TMEM132D: variants seen among roughly 807,000 people sequenced by gnomAD.
The protein encoded by TMEM132D is transmembrane protein 132D.
Under a neutral mutation model 62.3 loss-of-function variants are expected in TMEM132D, and 21 were observed. That is an observed-to-expected ratio of 0.34 (90% CI 0.24 to 0.49). The LOEUF (loss-of-function observed/expected upper bound fraction) is 0.49. Ranked by LOEUF, TMEM132D falls within the 20% of genes least tolerant of loss-of-function variation. The pLI is 0.99. For synonymous variants in TMEM132D, 621 were observed against 575.6 expected, an observed-to-expected ratio of 1.08 and a Z score of -1.13; for missense variants, 1,346 against 1,402.8, an observed-to-expected ratio of 0.96 and a Z score of 0.65.
intron 4 of TMEM132D, among the ~76,000 whole-genome samples, chr12:129,284,268 A>T (rs1020269422): frequency 6.6e-6 from 1 of 152,264 alleles, no homozygotes; most frequent in Non-Finnish European, 1.5e-5. Context: ...CTTCAGGGAC[A>T]TTTCGGTCTA....
chr12:129,125,465 T>C (rs1028076311), intron 5 of TMEM132D, among the ~76,000 whole-genome samples: 1 of 151,566 alleles, frequency 6.6e-6, no homozygotes, highest in Non-Finnish European at 1.5e-5. Flanking sequence ...AATAAAAATA[T>C]GTTTAGGTGA....
At chr12:129,251,357 C>CAAAAAA (rs59666716) in intron 4 of TMEM132D, among the ~76,000 whole-genome samples, 1 of 79,782 alleles carries the variant, frequency 1.3e-5, no homozygotes, top group African/African-American at 5.0e-5. Flanking sequence ...GACACTGTCT[C>CAAAAAA]AAAAAAAAAA....
intron 3 of TMEM132D, among the ~76,000 whole-genome samples, chr12:129,442,939 CA>C (rs765043380): frequency 5.5e-4 from 83 of 152,102 alleles, no homozygotes; most frequent in Middle Eastern, 3.2e-3. Flanking sequence ...AAATTTCCCC[CA>C]GCTGAAGACA....
chr12:129,880,452 G>A (rs2137385113), intron 1 of TMEM132D, among the ~76,000 whole-genome samples: 1 of 152,246 alleles, frequency 6.6e-6, no homozygotes, highest in South Asian at 2.1e-4. Context: ...TTAAAATGTA[G>A]GGAGATATAA....
intron 4 of TMEM132D, among the ~76,000 whole-genome samples, chr12:129,260,295 G>T (rs978709456): frequency 2.0e-5 from 3 of 152,138 alleles, no homozygotes; most frequent in Non-Finnish European, 2.9e-5. Context: ...TGAGAGGTGG[G>T]CTGAAATGAA....
chr12:129,130,647 C>T (rs965277948), intron 5 of TMEM132D, among the ~76,000 whole-genome samples: 7 of 152,062 alleles, frequency 4.6e-5, no homozygotes, highest in African/African-American at 1.7e-4. Context: ...CAGAGCATAG[C>T]GTCAGGCAGT....
intron 3 of TMEM132D, among the ~76,000 whole-genome samples, chr12:129,401,228 G>A (rs950306795): frequency 4.6e-5 from 7 of 152,180 alleles, no homozygotes; most frequent in African/African-American, 1.7e-4. Context: ...TTACATAAAC[G>A]CAACAGTTAC....
chr12:129,438,592 G>A (rs928177550), intron 3 of TMEM132D, among the ~76,000 whole-genome samples: 4 of 152,084 alleles, frequency 2.6e-5, no homozygotes, highest in African/African-American at 4.8e-5. Context: ...TTTAGAGGTC[G>A]GGATACTTCT....
At chr12:129,635,707 T>C (rs1022671268) in intron 2 of TMEM132D, among the ~76,000 whole-genome samples, 1 of 152,128 alleles carries the variant, frequency 6.6e-6, no homozygotes, top group Non-Finnish European at 1.5e-5. Context: ...CTTGGAGAAA[T>C]AGTATTGAGG....
chr12:129,090,868 C>T (rs1874885891), intron 5 of TMEM132D, among the ~76,000 whole-genome samples: 1 of 152,134 alleles, frequency 6.6e-6, no homozygotes, highest in South Asian at 2.1e-4. Flanking sequence ...TCCTTCCCAC[C>T]CCACAGTGTC....
intron 3 of TMEM132D, among the ~76,000 whole-genome samples, chr12:129,513,764 C>T (rs998928257): frequency 6.0e-5 from 9 of 150,116 alleles, no homozygotes; most frequent in Non-Finnish European, 1.2e-4. Context: ...GGATTACAGG[C>T]GTGAGCCACC....
rs535443726 is a variant in TMEM132D, at chr12:129,487,410, A to G, written c.1115+43649T>C. 3.3e-5 allele frequency among the ~76,000 whole-genome samples: 5 copies of G among 152,340 alleles called. No homozygotes were observed. In the East Asian group the frequency reaches 7.7e-4, roughly 24 times the overall value. On this transcript the variant is annotated intron_variant, in intron 3 of 8. Transcript: ENST00000422113. ...GTTTTATAAAATCACTCACTGTCAT[A>G]TAAAAATGAGAGCAGGAGTGGATGA... is the stretch of plus-strand genomic sequence containing the variant.
intron 1 of TMEM132D, among the ~76,000 whole-genome samples, chr12:129,807,725 G>T (rs1253091071): frequency 6.6e-6 from 1 of 152,150 alleles, no homozygotes; most frequent in Admixed American, 6.5e-5. Flanking sequence ...ATTCTGATTA[G>T]GTTCGGCCAA....
intron 2 of TMEM132D, among the ~76,000 whole-genome samples, chr12:129,655,922 T>C (rs751338203): frequency 6.6e-6 from 1 of 152,106 alleles, no homozygotes; most frequent in African/African-American, 2.4e-5. Flanking sequence ...AAACTGGCCA[T>C]GGAAATACAA....
At chr12:129,511,805 T>C (rs917886664) in intron 3 of TMEM132D, among the ~76,000 whole-genome samples, 1 of 152,234 alleles carries the variant, frequency 6.6e-6, no homozygotes, top group South Asian at 2.1e-4. Context: ...TATATATTGT[T>C]TTCACTTTTA....
At chr12:129,684,542 AC>A (rs112944843) in intron 2 of TMEM132D, among the ~76,000 whole-genome samples, 4,919 of 152,158 alleles carry the variant, frequency 0.032, 112 homozygotes, top group South Asian at 0.063. Context: ...ATAAACTGGC[AC>A]CACAGAGAGT....
intron 4 of TMEM132D, among the ~76,000 whole-genome samples, chr12:129,274,101 T>C (rs1360129647): frequency 6.6e-6 from 1 of 151,784 alleles, no homozygotes; most frequent in South Asian, 2.1e-4. Context: ...AATTACCAGA[T>C]TTATTCTAAA....
At chr12:129,667,458 T>G (rs1257224087) in intron 2 of TMEM132D, among the ~76,000 whole-genome samples, 1 of 152,160 alleles carries the variant, frequency 6.6e-6, no homozygotes, top group Non-Finnish European at 1.5e-5. Flanking sequence ...GGGTCTCGTT[T>G]GGAAAGCTAA....
chr12:129,545,303 AGCAAGATCTAT>A, intron 2 of TMEM132D, among the ~76,000 whole-genome samples: 1 of 152,336 alleles, frequency 6.6e-6, no homozygotes. Context: ...CCATTCCTGA[AGCAAGATCTAT>A]GCCTGTCTTT....
Sources: allele counts gnomAD v4.1 joint callset (sites outside exome capture counted in the v4.1 genomes callset), GRCh38; gene constraint gnomAD v4.1.1; transcripts MANE v1.5; gene names NCBI Gene and HGNC (gene_info 2026-07-23, HGNC 2026-07-21).